Variants in KCNK10 observed in about 807,000 individuals in gnomAD.
KCNK10 encodes potassium channel subfamily K member 10.
Under a neutral mutation model 47.7 loss-of-function variants are expected in KCNK10, and 25 were observed. The observed-to-expected ratio is 0.52, with a 90% CI of 0.38 to 0.73. The LOEUF (loss-of-function observed/expected upper bound fraction) is 0.73. KCNK10 is among the 30% of genes least tolerant of loss of function. KCNK10 has a pLI of 0.00. For synonymous variants in KCNK10, 303 were observed against 285.6 expected, an observed-to-expected ratio of 1.06 and a Z score of -0.61; for missense variants, 563 against 714.5, an observed-to-expected ratio of 0.79 and a Z score of 2.42.
chr14:88,323,171 A>G lies in KCNK10; in HGVS notation c.-373T>C, dbSNP rs1888586328. 4 of 1,112,880 alleles carry G rather than the reference A, an allele frequency of 3.6e-6. No homozygotes were observed. Among genetic ancestry groups the G allele is most frequent in the Non-Finnish European group, 4.4e-6 (4 of 905,546 alleles). 68.9% of individuals were successfully genotyped at this position (1,112,880 alleles called of 1,614,324 possible). On this transcript the variant is annotated 5_prime_UTR_variant, in exon 1 of 7. Coordinates refer to ENST00000319231, the MANE Select transcript of KCNK10 (RefSeq NM_138317.3). ...GCTGCGCAGCCTGAAGGCTGGGGCT[A>G]CGGAGAAGCCCACTGCAGTGTCACT...
chr14:88,206,717 T>A (rs1035462585), intron 4 of KCNK10, among the ~76,000 whole-genome samples: 2 of 152,244 alleles, frequency 1.3e-5, no homozygotes, highest in Non-Finnish European at 2.9e-5. Context: ...TAGGGTTTCA[T>A]AACAGAGCAC....
upstream of KCNK10, among the ~76,000 whole-genome samples, chr14:88,325,166 T>C (rs1888634840): frequency 6.6e-6 from 1 of 152,152 alleles, no homozygotes; most frequent in Non-Finnish European, 1.5e-5. Flanking sequence ...CCAGTGTGTA[T>C]GTAAATTCTG....
At chr14:88,202,763 C>G (rs750894844) in intron 4 of KCNK10, among the ~76,000 whole-genome samples, 1 of 140,048 alleles carries the variant, frequency 7.1e-6, no homozygotes, top group African/African-American at 2.7e-5. Context: ...GTGGGAGGGA[C>G]GAGATCTTCC....
At chr14:88,236,857 C>T (rs1376275768) in intron 3 of KCNK10, among the ~76,000 whole-genome samples, 2 of 152,150 alleles carry the variant, frequency 1.3e-5, no homozygotes, top group Non-Finnish European at 2.9e-5. Flanking sequence ...ATAATGCTTT[C>T]GCTGGCGGAG....
chr14:88,248,717 C>G (rs1886709217), intron 2 of KCNK10, among the ~76,000 whole-genome samples: 2 of 151,380 alleles, frequency 1.3e-5, no homozygotes, highest in African/African-American at 4.9e-5. Flanking sequence ...CAGAGCAAGA[C>G]TGCCCTTTAC....
intron 1 of KCNK10, among the ~76,000 whole-genome samples, chr14:88,280,234 C>T (rs141828175): frequency 1.3e-5 from 2 of 152,292 alleles, no homozygotes; most frequent in African/African-American, 4.8e-5. Context: ...CAGCAATATT[C>T]TGCACAGGAG....
In KCNK10 at chr14:88,206,335, A is replaced by G. The variant is rs1267591335; in HGVS notation, c.682-13925T>C. 2.0e-5 allele frequency among the ~76,000 whole-genome samples: 3 copies of G among 152,322 alleles called. No homozygotes were observed. The East Asian group carries it at 5.8e-4, about 29-fold the overall frequency. On this transcript the variant is annotated intron_variant, in intron 4 of 6. Coordinates refer to ENST00000319231, the MANE Select transcript of KCNK10 (RefSeq NM_138317.3). ...GTCAAAGACGTTCAGATGTCCTGCA[A>G]TACAACAATCAGTGCCACAAATCAC...
chr14:88,245,615 T>A (rs1886614548), intron 2 of KCNK10, among the ~76,000 whole-genome samples: 1 of 152,156 alleles, frequency 6.6e-6, no homozygotes, highest in Non-Finnish European at 1.5e-5. Context: ...TGTCTGTGGC[T>A]TTTCTCCTAT....
intron 1 of KCNK10, among the ~76,000 whole-genome samples, chr14:88,315,600 C>A (rs1233375751): frequency 6.6e-6 from 1 of 152,068 alleles, no homozygotes; most frequent in Non-Finnish European, 1.5e-5. Flanking sequence ...ATCTCGAGTT[C>A]TGCTTGCACA....
intron 1 of KCNK10, among the ~76,000 whole-genome samples, chr14:88,288,013 T>C (rs1036406839): frequency 2.0e-5 from 3 of 152,174 alleles, no homozygotes; most frequent in Admixed American, 6.5e-5. Flanking sequence ...TATTATTTTT[T>C]GATTTTTTTA....
intron 1 of KCNK10, among the ~76,000 whole-genome samples, chr14:88,282,079 C>T (rs774675890): frequency 1.3e-4 from 20 of 151,928 alleles, no homozygotes; most frequent in Middle Eastern, 3.2e-3. Flanking sequence ...GTATGGTGTC[C>T]GGCATTGGAG....
At chr14:88,200,031 TTCTTTCTC>T (rs1047904046) in intron 4 of KCNK10, among the ~76,000 whole-genome samples, 15 of 151,560 alleles carry the variant, frequency 9.9e-5, no homozygotes, top group African/African-American at 3.7e-4. Context: ...CTTTCCTTCT[TTCTTTCTC>T]TCTTTCTTTC....
At chr14:88,301,519 T>A (rs1477406399) in intron 1 of KCNK10, among the ~76,000 whole-genome samples, 1 of 152,058 alleles carries the variant, frequency 6.6e-6, no homozygotes, top group Non-Finnish European at 1.5e-5. Context: ...CCTAACAGTA[T>A]GCTACAACAG....
At chr14:88,317,777 A>T (rs1350563480) in intron 1 of KCNK10, among the ~76,000 whole-genome samples, 1 of 152,226 alleles carries the variant, frequency 6.6e-6, no homozygotes, top group African/African-American at 2.4e-5. Flanking sequence ...ATTCCTAAAA[A>T]GTGTTCTGTA....
chr14:88,193,424 G>GAA (rs1884813589), intron 4 of KCNK10, among the ~76,000 whole-genome samples: 1 of 152,118 alleles, frequency 6.6e-6, no homozygotes, highest in African/African-American at 2.4e-5. Flanking sequence ...ACTCTAAGCT[G>GAA]AAAAACTCTA....
At chr14:88,298,567 G>T (rs568196550) in intron 1 of KCNK10, among the ~76,000 whole-genome samples, 1 of 152,156 alleles carries the variant, frequency 6.6e-6, no homozygotes, top group Non-Finnish European at 1.5e-5. Context: ...TGGGTCCTCA[G>T]CCCTCTCAGT....
At chr14:88,207,123 C>T (rs937389201) in intron 4 of KCNK10, among the ~76,000 whole-genome samples, 1 of 151,678 alleles carries the variant, frequency 6.6e-6, no homozygotes, top group African/African-American at 2.4e-5. Flanking sequence ...TTCCCCATTG[C>T]CATTTATTTG....
chr14:88,296,815 T>A (rs1887994475), intron 1 of KCNK10, among the ~76,000 whole-genome samples: 1 of 152,232 alleles, frequency 6.6e-6, no homozygotes, highest in African/African-American at 2.4e-5. Context: ...ACATTAGTAG[T>A]GAACTCCAAA....
chr14:88,326,335 A>T, upstream of KCNK10: 7 of 1,186,230 alleles, frequency 5.9e-6, no homozygotes, highest in South Asian at 3.7e-5. Context: ...CTCCCAAGAA[A>T]ACTTAGCCCT....
Sources: gnomAD v4.1 joint callset for allele counts (sites outside exome capture counted in the v4.1 genomes callset) on GRCh38, gnomAD v4.1.1 for gene constraint, MANE v1.5 for transcripts, NCBI Gene and HGNC (gene_info 2026-07-23, HGNC 2026-07-21) for gene names.